SLC13A3: variants seen among roughly 807,000 people sequenced by gnomAD.
The protein encoded by SLC13A3 is Na(+)/dicarboxylate cotransporter 3.
Under a neutral mutation model 59.0 loss-of-function variants are expected in SLC13A3, and 40 were observed. That is an observed-to-expected ratio of 0.68 (90% CI 0.53 to 0.88). The LOEUF (loss-of-function observed/expected upper bound fraction) is 0.88. SLC13A3 is among the 40% of genes least tolerant of loss of function. The pLI, the probability that SLC13A3 is intolerant of heterozygous loss-of-function variation, is 0.00. For synonymous variants in SLC13A3, 317 were observed against 330.3 expected, an observed-to-expected ratio of 0.96 and a Z score of 0.44; for missense variants, 699 against 783.2, an observed-to-expected ratio of 0.89 and a Z score of 1.28.
chr20:46,591,427 C>A (rs1377554005), intron 6 of SLC13A3, among the ~76,000 whole-genome samples: 1 of 151,996 alleles, frequency 6.6e-6, no homozygotes, highest in Non-Finnish European at 1.5e-5. Context: ...ATTGCCTATC[C>A]AAATTAAGGT....
At chr20:46,607,601 C>T (rs1054991856) in intron 3 of SLC13A3, among the ~76,000 whole-genome samples, 1 of 152,254 alleles carries the variant, frequency 6.6e-6, no homozygotes, top group Admixed American at 6.5e-5. Flanking sequence ...AGGCTCTGGA[C>T]TTCAATGCAT....
chr20:46,664,722 G>A (rs2063052195), intron 1 of SLC13A3, among the ~76,000 whole-genome samples: 1 of 152,184 alleles, frequency 6.6e-6, no homozygotes, highest in Non-Finnish European at 1.5e-5. Context: ...AGGTGCTGTT[G>A]TAGATAAGGT....
chr20:46,574,676 A>G (rs1225385599), intron 10 of SLC13A3, among the ~76,000 whole-genome samples: 2 of 152,134 alleles, frequency 1.3e-5, no homozygotes, highest in African/African-American at 2.4e-5. Context: ...AACTGCCTGG[A>G]TTCTAATCCT....
intron 6 of SLC13A3, among the ~76,000 whole-genome samples, 181 bp downstream of exon 6, chr20:46,592,223 G>GCATACATACATA (rs11469301): frequency 1.1e-4 from 17 of 151,106 alleles, no homozygotes; most frequent in Admixed American, 6.6e-4. Flanking sequence ...AAAACTAAAT[G>GCATACATACATA]CATACATACA....
At chr20:46,683,363 G>C (rs1255313462) in intron 1 of SLC13A3, among the ~76,000 whole-genome samples, 1 of 152,154 alleles carries the variant, frequency 6.6e-6, no homozygotes, top group Non-Finnish European at 1.5e-5. Context: ...TGGGGGCCAG[G>C]CATGTCTAAC....
upstream of SLC13A3, chr20:46,651,463 C>T: frequency 7.3e-7 from 1 of 1,377,082 alleles, no homozygotes; most frequent in Non-Finnish European, 9.3e-7. Flanking sequence ...CGGGACTGCC[C>T]CGCCTGGCCC....
chr20:46,647,230 G>A (rs968122280), intron 1 of SLC13A3, among the ~76,000 whole-genome samples: 1 of 152,122 alleles, frequency 6.6e-6, no homozygotes, highest in Non-Finnish European at 1.5e-5. Context: ...GCCTTGCCGA[G>A]AGCATCCCCA....
chr20:46,619,667 A>T (rs1216747147), intron 1 of SLC13A3, among the ~76,000 whole-genome samples: 1 of 152,208 alleles, frequency 6.6e-6, no homozygotes, highest in African/African-American at 2.4e-5. Context: ...TTCTCTCAGC[A>T]GTCTACGCTG....
upstream of SLC13A3, among the ~76,000 whole-genome samples, chr20:46,656,146 CTGTA>C (rs1357799330): frequency 5.6e-5 from 8 of 142,708 alleles, no homozygotes; most frequent in East Asian, 2.1e-4. Context: ...CTATATTATA[CTGTA>C]TGTAATAGAC....
At chr20:46,662,925 T>A (rs750926525) in intron 1 of SLC13A3, among the ~76,000 whole-genome samples, 4 of 152,180 alleles carry the variant, frequency 2.6e-5, no homozygotes, top group Non-Finnish European at 4.4e-5. Flanking sequence ...AGATATGAAT[T>A]TATAAGTCTT....
Position 46,566,529 on chromosome 20 carries a change from C to T in SLC13A3, c.1333-139G>A, listed in dbSNP as rs61650736. 5.9e-3 allele frequency: 5,488 copies of T among 932,696 alleles called. 200 individuals carry two copies. The African/African-American group carries it at 0.082, about 14-fold the overall frequency. 57.8% of individuals were successfully genotyped at this position (932,696 alleles called of 1,614,324 possible). A position where few individuals can be genotyped will look rare whatever the true frequency, so the allele number is the denominator to read the frequency against. On this transcript the variant is annotated intron_variant, in intron 10 of 12. Coordinates refer to ENST00000279027, the MANE Select transcript of SLC13A3 (RefSeq NM_022829.6). The stretch of plus-strand genomic sequence containing the variant: ...ACTGAGGTGCAGAGAGGGGAGGTGA[C>T]GTGTCCAATGTCACACATTCGAGCC...
intron 1 of SLC13A3, among the ~76,000 whole-genome samples, chr20:46,628,572 T>C (rs1176860904): frequency 6.6e-6 from 1 of 152,078 alleles, no homozygotes; most frequent in Non-Finnish European, 1.5e-5. Flanking sequence ...GTGAACTTGA[T>C]ATGGATGAGG....
At chr20:46,638,098 C>A (rs2062811784) in intron 1 of SLC13A3, among the ~76,000 whole-genome samples, 3 of 152,220 alleles carry the variant, frequency 2.0e-5, no homozygotes, top group East Asian at 3.9e-4. Context: ...CTTGGCAGGA[C>A]TCCCCAGGCC....
chr20:46,597,509 T>C (rs1368010575), intron 4 of SLC13A3, among the ~76,000 whole-genome samples: 1 of 152,252 alleles, frequency 6.6e-6, no homozygotes, highest in Non-Finnish European at 1.5e-5. Context: ...TGATCTCGGC[T>C]CACTGCTACC....
chr20:46,600,066 T>C (rs773824605), intron 3 of SLC13A3, 29 bp from the exon 4 acceptor site: 2 of 1,535,098 alleles, frequency 1.3e-6, no homozygotes, highest in South Asian at 2.5e-5. Flanking sequence ...ATGTCTTTAA[T>C]GTAATGTAGC....
chr20:46,651,523 G>A (rs977408128), upstream of SLC13A3: 3 of 1,334,444 alleles, frequency 2.2e-6, no homozygotes, highest in African/African-American at 3.1e-5. Context: ...ACTGCGCTGG[G>A]GAACCCGCCC....
intron 10 of SLC13A3, among the ~76,000 whole-genome samples, chr20:46,571,248 G>A (rs988344201): frequency 2.6e-5 from 4 of 152,100 alleles, no homozygotes; most frequent in Admixed American, 1.3e-4. Context: ...GATTTGGGTG[G>A]GGACACAGCC....
chr20:46,616,909 C>T (rs973257352), intron 1 of SLC13A3, among the ~76,000 whole-genome samples: 5 of 152,204 alleles, frequency 3.3e-5, no homozygotes, highest in African/African-American at 1.2e-4. Flanking sequence ...AGACATACAA[C>T]TTTGGAGAGA....
chr20:46,606,128 T>C (rs1341411626), intron 3 of SLC13A3, among the ~76,000 whole-genome samples: 1 of 152,182 alleles, frequency 6.6e-6, no homozygotes, highest in Non-Finnish European at 1.5e-5. Flanking sequence ...GAAAGACTGA[T>C]AGGCCCTTCA....
Sources: gnomAD v4.1 joint callset for allele counts (sites outside exome capture counted in the v4.1 genomes callset) on GRCh38, gnomAD v4.1.1 for gene constraint, MANE v1.5 for transcripts, NCBI Gene and HGNC (gene_info 2026-07-23, HGNC 2026-07-21) for gene names.